PCNP: variants seen among roughly 807,000 people sequenced by gnomAD.
PCNP encodes PEST proteolytic signal containing nuclear protein, also known as PEST proteolytic signal-containing nuclear protein.
Under a neutral mutation model 21.8 loss-of-function variants are expected in PCNP, and 6 were observed. The ratio of observed to expected loss-of-function variants is 0.28; its 90% CI spans 0.15 to 0.54. The LOEUF (loss-of-function observed/expected upper bound fraction) is 0.54, where lower values mean the gene tolerates loss of function less well. PCNP is among the 20% of genes least tolerant of loss of function. The probability of loss-of-function intolerance (pLI) is 0.95; values close to 1 mark genes in which losing one functional copy is unlikely to be tolerated. For missense variants in PCNP, 161 were observed against 215.5 expected (o/e 0.75, Z 1.58); for synonymous variants, 67 against 73.2 (o/e 0.92, Z 0.43).
At chr3:101,591,591 A>G (rs1218651161) in intron 4 of PCNP, among the ~76,000 whole-genome samples, 1 of 152,152 alleles carries the variant, frequency 6.6e-6, no homozygotes, top group Non-Finnish European at 1.5e-5. Flanking sequence ...AACATAAATA[A>G]TTGAAGCAGA....
At chr3:101,574,411 A>C in intron 1 of PCNP, 132 bp downstream of exon 1, 1 of 1,161,800 alleles carries the variant, frequency 8.6e-7, no homozygotes. Context: ...TTGGGCCCAG[A>C]CCTGCCTCGG....
At chr3:101,583,975 T>G (rs1935367561) in intron 2 of PCNP, among the ~76,000 whole-genome samples, 1 of 152,034 alleles carries the variant, frequency 6.6e-6, no homozygotes, top group South Asian at 2.1e-4. Context: ...GGTGATGTAT[T>G]TCTGACAGTA....
intron 3 of PCNP, among the ~76,000 whole-genome samples, chr3:101,586,236 G>A (rs549238673): frequency 6.6e-6 from 1 of 150,752 alleles, no homozygotes; most frequent in South Asian, 2.1e-4. Context: ...CCCTAGGAGG[G>A]ATAACAATTC....
chr3:101,579,696 A>G (rs540412005), intron 1 of PCNP, 94 bp from the exon 2 acceptor site: 3 of 847,828 alleles, frequency 3.5e-6, no homozygotes, highest in South Asian at 2.7e-5. Flanking sequence ...CTGCAGAGGT[A>G]TCTTCCTTAT....
intron 2 of PCNP, among the ~76,000 whole-genome samples, chr3:101,580,958 A>G (rs532734128): frequency 1.3e-5 from 2 of 152,356 alleles, no homozygotes; most frequent in South Asian, 4.1e-4. Context: ...TATTTGTGCT[A>G]TGAAAGTTAA....
At chr3:101,592,047 T>C (rs1198339997) in intron 4 of PCNP, among the ~76,000 whole-genome samples, 2 of 152,226 alleles carry the variant, frequency 1.3e-5, no homozygotes, top group Admixed American at 1.3e-4. Context: ...CAGAATTACC[T>C]TAAATGTTTG....
chr3:101,577,009 T>A, intron 1 of PCNP: 1 of 819,154 alleles, frequency 1.2e-6, no homozygotes, highest in Non-Finnish European at 2.2e-6. Flanking sequence ...GTATTTTTAG[T>A]AGAGACGAGA....
Position 101,593,122 on chromosome 3 carries a change from C to T in PCNP, c.*369C>T, listed in dbSNP as rs1355357125. The T allele has an allele frequency of 6.4e-6, 1 of 156,928 alleles. No homozygotes were observed. The highest frequency in any genetic ancestry group is 1.8e-4 in the East Asian group (1 of 5,418). 9.7% of individuals were successfully genotyped at this position (156,928 alleles called of 1,614,324 possible). On this transcript the variant is annotated 3_prime_UTR_variant, in exon 5 of 5. Transcript: ENST00000265260. ...AACTGCAAGCAGTTAACTCTCTTAA[C>T]TCCCTTATTACCTAAACTTGTCTGG... is the stretch of plus-strand genomic sequence containing the variant.
chr3:101,582,031 C>T (rs60837174), intron 2 of PCNP, among the ~76,000 whole-genome samples: 33,803 of 150,988 alleles, frequency 0.22, 4,042 homozygotes, highest in East Asian at 0.29. Flanking sequence ...TGAGCCACCA[C>T]GCCCGGCCTA....
At chr3:101,575,475 TGTC>T (rs1313094832) in intron 1 of PCNP, among the ~76,000 whole-genome samples, 1 of 148,022 alleles carries the variant, frequency 6.8e-6, no homozygotes, top group Non-Finnish European at 1.5e-5. Flanking sequence ...CCCCACCCCC[TGTC>T]TTTTTTTTTT....
Position 101,578,742 on chromosome 3 carries a change from T to A in PCNP, c.65-1048T>A, listed in dbSNP as rs80210828. Among the ~76,000 whole-genome samples the A allele has an allele frequency of 3.7e-3, 570 of 152,334 alleles. 2 individuals carry two copies. Among genetic ancestry groups the A allele is most frequent in the African/African-American group, 0.013 (548 of 41,576 alleles). ...TTGTCAGTCTGTGTTCGACTTTTTTTCTCCCCATTCTAGCTCTGTGTCCTG... is the reference window on the plus strand; with the variant it reads ...TTGTCAGTCTGTGTTCGACTTTTTTACTCCCCATTCTAGCTCTGTGTCCTG... On this transcript the variant is annotated intron_variant, in intron 1 of 4. Coordinates refer to ENST00000265260, the MANE Select transcript of PCNP (RefSeq NM_020357.3).
rs1263953304 is a variant in PCNP at position 101,593,320 on chromosome 3, C to T, written c.*567C>T. ...GCATTGCTATCCGTGGATACAGACGCTTAGCTCTTAAAAGATTTTTTTTTT... is the reference window on the plus strand; with the variant it reads ...GCATTGCTATCCGTGGATACAGACGTTTAGCTCTTAAAAGATTTTTTTTTT... On this transcript the variant is annotated 3_prime_UTR_variant, in exon 5 of 5. Transcript: ENST00000265260. 6.6e-6 allele frequency: 1 copy of T among 152,540 alleles called. No individual in the cohort carries two copies. The highest frequency in any genetic ancestry group is 1.5e-5 in the Non-Finnish European group (1 of 68,010). 9.4% of individuals were successfully genotyped at this position (152,540 alleles called of 1,614,324 possible).
intron 1 of PCNP, among the ~76,000 whole-genome samples, chr3:101,575,733 G>C (rs1227684977): frequency 6.6e-6 from 1 of 152,156 alleles, no homozygotes; most frequent in African/African-American, 2.4e-5. Flanking sequence ...GGTAGCAGAC[G>C]TGTTTAATGT....
At chr3:101,574,967 G>C (rs967988119) in intron 1 of PCNP, 3 of 152,196 alleles carry the variant, frequency 2.0e-5, no homozygotes, top group African/African-American at 7.2e-5. Flanking sequence ...ATCTCCCTTA[G>C]GCTGTTGCCA....
intron 4 of PCNP, among the ~76,000 whole-genome samples, chr3:101,591,743 T>C (rs1935817800): frequency 6.7e-6 from 1 of 150,164 alleles, no homozygotes. Flanking sequence ...CAGGTTTTTT[T>C]GTTTTTTTGT....
intron 2 of PCNP, among the ~76,000 whole-genome samples, chr3:101,580,652 T>C (rs1935176308): frequency 6.6e-6 from 1 of 152,210 alleles, no homozygotes. Flanking sequence ...TATCTTATGT[T>C]GGTAGTCTTT....
At chr3:101,586,571 T>TGTGTGTGA in intron 3 of PCNP, among the ~76,000 whole-genome samples, 19,607 of 114,050 alleles carry the variant, frequency 0.17, 2,107 homozygotes, top group East Asian at 0.25. Flanking sequence ...TGTGTGTGTG[T>TGTGTGTGA]GAGAGAGAGA....
At chr3:101,574,362 G>T in intron 1 of PCNP, 83 bp downstream of exon 1, 1 of 1,395,494 alleles carries the variant, frequency 7.2e-7, no homozygotes. Flanking sequence ...AGTGGGGTGG[G>T]GCGAGAATGG....
At chr3:101,578,828 C>A (rs1935068555) in intron 1 of PCNP, among the ~76,000 whole-genome samples, 1 of 152,174 alleles carries the variant, frequency 6.6e-6, no homozygotes, top group Admixed American at 6.5e-5. Flanking sequence ...CATAAATAAA[C>A]TCTTGATCCA....
Sources: gnomAD v4.1 joint callset for allele counts (sites outside exome capture counted in the v4.1 genomes callset) on GRCh38, gnomAD v4.1.1 for gene constraint, MANE v1.5 for transcripts, NCBI Gene and HGNC (gene_info 2026-07-23, HGNC 2026-07-21) for gene names.